SGCZ: variants seen among roughly 807,000 people sequenced by gnomAD.
SGCZ encodes the protein sarcoglycan zeta, also known as zeta-sarcoglycan.
SGCZ carries 40 observed loss-of-function variants against 41.3 expected under a neutral mutation model. The observed-to-expected ratio is 0.97, with a 90% CI of 0.75 to 1.26. SGCZ has a LOEUF of 1.26. Among genes scored for constraint, SGCZ ranks in the 50% most tolerant of loss-of-function variants. SGCZ has a pLI of 0.00. For missense variants in SGCZ, 552 were observed against 369.8 expected (o/e 1.49, Z -4.04); for synonymous variants, 206 against 137.5 (o/e 1.50, Z -3.49).
At chr8:15,222,297 C>G (rs1369321110) in intron 1 of SGCZ, among the ~76,000 whole-genome samples, 1 of 152,080 alleles carries the variant, frequency 6.6e-6, no homozygotes, top group Non-Finnish European at 1.5e-5. Context: ...CAACTTGGGT[C>G]AGGCATTTCA....
chr8:14,183,130 T>C (rs1804784698), intron 4 of SGCZ, among the ~76,000 whole-genome samples: 1 of 152,082 alleles, frequency 6.6e-6, no homozygotes, highest in South Asian at 2.1e-4. Flanking sequence ...GGTGTTAAAA[T>C]GGTACAAATA....
chr8:14,475,756 A>T (rs1320425521), intron 2 of SGCZ, among the ~76,000 whole-genome samples: 1 of 152,006 alleles, frequency 6.6e-6, no homozygotes, highest in East Asian at 1.9e-4. Flanking sequence ...CATATCAATG[A>T]TATATATATA....
intron 1 of SGCZ, among the ~76,000 whole-genome samples, chr8:14,656,791 T>C (rs1213148442): frequency 6.6e-6 from 1 of 151,960 alleles, no homozygotes; most frequent in Non-Finnish European, 1.5e-5. Flanking sequence ...TTTTCTAAAA[T>C]GGAAATTGTG....
chr8:14,445,575 A>G (rs969638940), intron 2 of SGCZ, among the ~76,000 whole-genome samples: 10 of 152,024 alleles, frequency 6.6e-5, no homozygotes, highest in Non-Finnish European at 1.5e-4. Context: ...ACTGAAAACC[A>G]TTTCCACCAC....
At chr8:15,053,791 C>A (rs1371912540) in intron 1 of SGCZ, among the ~76,000 whole-genome samples, 1 of 152,080 alleles carries the variant, frequency 6.6e-6, no homozygotes, top group Admixed American at 6.6e-5. Flanking sequence ...TTGGATATTT[C>A]TTAGCAAAAA....
At chr8:14,151,344 A>T (rs1427106191) in intron 5 of SGCZ, among the ~76,000 whole-genome samples, 1 of 152,094 alleles carries the variant, frequency 6.6e-6, no homozygotes, top group Non-Finnish European at 1.5e-5. Context: ...AAACCATACT[A>T]TTTATAATCA....
At chr8:14,736,741 C>T (rs2136730) in intron 1 of SGCZ, among the ~76,000 whole-genome samples, 58,104 of 151,960 alleles carry the variant, frequency 0.38, 13,115 homozygotes, top group Non-Finnish European at 0.51. Flanking sequence ...GTTTTCCATT[C>T]CTGAGTTACT....
intron 1 of SGCZ, among the ~76,000 whole-genome samples, chr8:14,605,072 C>T (rs1360897341): frequency 1.3e-5 from 2 of 152,096 alleles, no homozygotes; most frequent in African/African-American, 2.4e-5. Flanking sequence ...TCTAACTAAT[C>T]TCTTAATTTG....
At chr8:14,442,236 A>C (rs1312129452) in intron 2 of SGCZ, among the ~76,000 whole-genome samples, 4 of 152,312 alleles carry the variant, frequency 2.6e-5, no homozygotes, top group African/African-American at 9.6e-5. Flanking sequence ...AGGTAATTGA[A>C]TCATGAGATC....
intron 1 of SGCZ, among the ~76,000 whole-genome samples, chr8:14,560,777 GAGATTTGGTA>G (rs1563411538): frequency 6.6e-6 from 1 of 151,854 alleles, no homozygotes; most frequent in African/African-American, 2.4e-5. Flanking sequence ...TAAAGCAACA[GAGATTTGGTA>G]ACTATATCAA....
chr8:14,229,917 C>T lies in SGCZ; in HGVS notation c.424+7675G>A, dbSNP rs1326556753. On this transcript the variant is annotated intron_variant, in intron 4 of 7. Transcript: ENST00000382080. ...CACTAACAAAAATAAGCCGATTGGA[C>T]TTAAACTGTTTTGTGGATTAAATTT... 2.0e-5 allele frequency among the ~76,000 whole-genome samples: 3 copies of T among 152,146 alleles called. No individual in the cohort carries two copies. In the East Asian group the frequency reaches 5.8e-4, roughly 29 times the overall value.
At chr8:14,340,837 G>A (rs138789334) in intron 2 of SGCZ, among the ~76,000 whole-genome samples, 1,688 of 152,122 alleles carry the variant, frequency 0.011, 28 homozygotes, top group African/African-American at 0.038. Context: ...TGGTTCAGTG[G>A]CATTAAGTAC....
chr8:15,025,839 T>C (rs1803436646), intron 1 of SGCZ, among the ~76,000 whole-genome samples: 1 of 152,214 alleles, frequency 6.6e-6, no homozygotes, highest in Non-Finnish European at 1.5e-5. Context: ...AAAGTAATCC[T>C]AAACTGTAAT....
chr8:14,377,580 C>T (rs923369428), intron 2 of SGCZ, among the ~76,000 whole-genome samples: 23 of 151,080 alleles, frequency 1.5e-4, no homozygotes, highest in Non-Finnish European at 4.4e-5. Flanking sequence ...GCACATTGTG[C>T]AGGTTAGTTA....
At chr8:14,708,711 A>G (rs1425064136) in intron 1 of SGCZ, among the ~76,000 whole-genome samples, 2 of 152,074 alleles carry the variant, frequency 1.3e-5, no homozygotes, top group African/African-American at 4.8e-5. Context: ...AAAGTATTTT[A>G]GCTTTTTATC....
intron 1 of SGCZ, among the ~76,000 whole-genome samples, chr8:14,807,780 C>A (rs987737840): frequency 2.6e-5 from 4 of 152,138 alleles, no homozygotes; most frequent in Admixed American, 6.5e-5. Flanking sequence ...CAAGTCAATC[C>A]TAAGCCAAAA....
chr8:14,190,010 C>CTTTTTTTTTTTT (rs1397799185), intron 4 of SGCZ, among the ~76,000 whole-genome samples: 11 of 68,490 alleles, frequency 1.6e-4, no homozygotes, highest in African/African-American at 2.3e-4. Context: ...TTCTTTCTTT[C>CTTTTTTTTTTTT]TTTCTTTTTT....
intron 1 of SGCZ, among the ~76,000 whole-genome samples, chr8:14,703,207 T>A (rs988495299): frequency 6.6e-6 from 1 of 152,002 alleles, no homozygotes; most frequent in African/African-American, 2.4e-5. Context: ...TTTACTTTCA[T>A]ACATGCAGTG....
intron 1 of SGCZ, among the ~76,000 whole-genome samples, chr8:14,975,030 T>A (rs1049702364): frequency 6.6e-6 from 1 of 151,998 alleles, no homozygotes; most frequent in Non-Finnish European, 1.5e-5. Context: ...AAGACACACA[T>A]CTATAAGAAT....
Sources: allele counts gnomAD v4.1 joint callset (sites outside exome capture counted in the v4.1 genomes callset), GRCh38; gene constraint gnomAD v4.1.1; transcripts MANE v1.5; gene names NCBI Gene and HGNC (gene_info 2026-07-23, HGNC 2026-07-21).